HECTD4: variants seen among roughly 807,000 people sequenced by gnomAD.
HECTD4 encodes the protein HECT domain E3 ubiquitin protein ligase 4, also known as probable E3 ubiquitin-protein ligase HECTD4.
Under a neutral mutation model 471.5 loss-of-function variants are expected in HECTD4, and 114 were observed. The observed-to-expected ratio is 0.24, with a 90% confidence interval of 0.21 to 0.28. The LOEUF (loss-of-function observed/expected upper bound fraction) is 0.28, where lower values mean the gene tolerates loss of function less well. HECTD4 is among the 10% of genes least tolerant of loss of function. The pLI is 1.00. For missense variants in HECTD4, 3,866 were observed against 5,651.5 expected (o/e 0.68, Z 10.13); for synonymous variants, 2,012 against 2,256.0 (o/e 0.89, Z 3.07).
chr12:112,253,906 A>G (rs2033950724), intron 22 of HECTD4, 137 bp downstream of exon 22: 1 of 740,940 alleles, frequency 1.3e-6, no homozygotes, highest in Non-Finnish European at 2.2e-6. Flanking sequence ...GTGAGCTGAC[A>G]GGCCTGGTAA....
At chr12:112,262,665 G>GCCC (rs2034177137) in intron 17 of HECTD4, among the ~76,000 whole-genome samples, 3 of 151,640 alleles carry the variant, frequency 2.0e-5, no homozygotes. Context: ...ACCCAGGCTG[G>GCCC]AGTGCAGTGG....
chr12:112,178,237 C>T (rs573733581), intron 64 of HECTD4, among the ~76,000 whole-genome samples: 103 of 152,216 alleles, frequency 6.8e-4, no homozygotes, highest in Non-Finnish European at 1.3e-3. Context: ...CCACCACAGT[C>T]AGCTAATTTT....
rs369320314 is a variant in HECTD4 at position 112,179,164 on chromosome 12, G to A, written c.11211+10C>T. On this transcript the variant is annotated intron_variant, in intron 63 of 75. Transcript: ENST00000682272. The surrounding 1 kb of genome is among the most constrained non-coding windows in gnomAD (Gnocchi z 4.3). ...GGCCCGGCCTGGGTATGGTGGGGACGGGCAGCTACCTGGGTGAGCTGATCC... is the reference window on the plus strand; with the variant it reads ...GGCCCGGCCTGGGTATGGTGGGGACAGGCAGCTACCTGGGTGAGCTGATCC... 4.1e-5 allele frequency: 66 copies of A among 1,613,304 alleles called. No individual in the cohort carries two copies. The highest frequency in any genetic ancestry group is 5.3e-5 in the African/African-American group (4 of 74,920).
chr12:112,259,440 A>AG (rs2135598461), intron 18 of HECTD4, among the ~76,000 whole-genome samples, 175 bp from the exon 19 acceptor site: 1 of 151,682 alleles, frequency 6.6e-6, no homozygotes, highest in South Asian at 2.1e-4. Flanking sequence ...ACTGAGGGAG[A>AG]GGGGAAGAAC....
intron 1 of HECTD4, among the ~76,000 whole-genome samples, chr12:112,380,463 GA>G (rs1246238524): frequency 5.3e-5 from 8 of 151,990 alleles, no homozygotes; most frequent in Non-Finnish European, 1.0e-4. Flanking sequence ...AAAAAGAAAA[GA>G]AAGAAACAAA....
rs533579636 is a variant in HECTD4, at chr12:112,239,009, T to A, written c.5290+43A>T. 2.6e-6 allele frequency: 4 copies of A among 1,541,730 alleles called. No homozygotes were observed. Among genetic ancestry groups the A allele is most frequent in the Non-Finnish European group, 3.5e-6 (4 of 1,143,872 alleles). ...AAAAACCAATAAACTAACACACCAA[T>A]AGAAGAAATCAGTGAGCTCTAGAAA... On this transcript the variant is annotated intron_variant, in intron 34 of 75. Transcript: ENST00000682272. The surrounding 1 kb of genome is among the most constrained non-coding windows in gnomAD (Gnocchi z 4.9).
chr12:112,184,673 C>A lies in HECTD4; in HGVS notation c.10293G>T (p.Glu3431Asp). 6.2e-7 allele frequency: 1 copy of A among 1,613,864 alleles called. No homozygotes were observed. The highest frequency in any genetic ancestry group is 8.5e-7 in the Non-Finnish European group (1 of 1,179,850). ...CTTCTTCCTGCAGCGGGATGTAGATCTCGTCTTTGAAGACCCCGCCGTGGG... is the reference window on the plus strand; with the variant it reads ...CTTCTTCCTGCAGCGGGATGTAGATATCGTCTTTGAAGACCCCGCCGTGGG... Reference protein sequence around the residue: ...CNAHGGVFKDEIYIPLQEEDT... With the variant: ...CNAHGGVFKDDIYIPLQEEDT... The change falls in exon 61 of 76, where the codon GAG becomes GAT. Residue 3431 changes from glutamate to aspartate, a missense_variant. Glu to Asp is a conservative substitution (Grantham distance 45, BLOSUM62 2). Coordinates refer to ENST00000682272, the MANE Select transcript of HECTD4 (RefSeq NM_001388303.1). The surrounding 1 kb of genome is among the most constrained non-coding windows in gnomAD (Gnocchi z 9.1).
rs2033480055 is a variant in HECTD4 at position 112,235,542 on chromosome 12, G to A, written c.5687C>T (p.Ser1896Phe). The A allele has an allele frequency of 6.2e-7, 1 of 1,613,752 alleles. No individual in the cohort carries two copies. The stretch of plus-strand genomic sequence containing the variant: ...ATCTGCCAGCTTTGCTAAGAGCAGG[G>A]AGGCGATCTTGGAAGCTGGGTCGCT... ...DPSDPASKIA[S>F]LLLAKLADYV... Residue 1896 changes from serine to phenylalanine, a missense_variant, in exon 36 of 76, where the codon TCC becomes TTC. Ser to Phe is a radical substitution (Grantham distance 155). This residue lies in a region of HECTD4 where 617 missense variants were observed against 915.1 expected (regional missense o/e 0.67). Transcript: ENST00000682272. The surrounding 1 kb of genome is among the most constrained non-coding windows in gnomAD (Gnocchi z 5.0).
chr12:112,300,742 AGT>A, intron 7 of HECTD4, among the ~76,000 whole-genome samples: 1 of 146,760 alleles, frequency 6.8e-6, no homozygotes, highest in East Asian at 2.1e-4. Context: ...AGACTACAGG[AGT>A]GTGCCATCAT....
chr12:112,349,000 AG>A (rs1363586874), intron 1 of HECTD4, among the ~76,000 whole-genome samples: 4 of 152,152 alleles, frequency 2.6e-5, no homozygotes, highest in African/African-American at 9.7e-5. Flanking sequence ...AATGAGGAGG[AG>A]GGATATGATA....
At chr12:112,345,439 G>T (rs2036131691) in intron 1 of HECTD4, among the ~76,000 whole-genome samples, 2 of 151,940 alleles carry the variant, frequency 1.3e-5, no homozygotes, top group African/African-American at 4.8e-5. Context: ...AAACACAAAA[G>T]TAAATACCAG....
intron 62 of HECTD4, among the ~76,000 whole-genome samples, chr12:112,181,205 G>A (rs1391393544): frequency 6.6e-6 from 1 of 151,804 alleles, no homozygotes. Flanking sequence ...CCTCCATGAT[G>A]AACAAAATAT....
Position 112,208,641 on chromosome 12 carries a change from G to C in HECTD4, c.7868-11C>G. The C allele has an allele frequency of 6.5e-7, 1 of 1,542,978 alleles. No homozygotes were observed. The highest frequency in any genetic ancestry group is 8.7e-7 in the Non-Finnish European group (1 of 1,148,288). On this transcript the variant is annotated splice_polypyrimidine_tract_variant and intron_variant, in intron 50 of 75. Transcript: ENST00000682272. The stretch of plus-strand genomic sequence containing the variant: ...TGTCACTATCATATTCTGTAACAGA[G>C]CACAAGGACAGCGAATTCTAAACAA...
rs756482382 is a variant in HECTD4, at chr12:112,254,031, T to C, written c.3447+12A>G. ...TTCTTTTCTAGGAAGCGATTATGAC[T>C]GAATACCATACCTTCACCAAGTCTT... On this transcript the variant is annotated intron_variant, in intron 22 of 75. Transcript: ENST00000682272. 1.4e-5 allele frequency: 23 copies of C among 1,613,742 alleles called. No homozygotes were observed. The East Asian group carries it at 5.1e-4, about 36-fold the overall frequency.
At chr12:112,369,912 C>T (rs983617609) in intron 1 of HECTD4, among the ~76,000 whole-genome samples, 3 of 152,158 alleles carry the variant, frequency 2.0e-5, no homozygotes, top group Admixed American at 6.6e-5. Flanking sequence ...AAATACCCAT[C>T]GTGCTCAACT....
At position 112,193,803 on chromosome 12, in the gene HECTD4, C is replaced by T. The variant is rs574232111; in HGVS notation, c.8750-129G>A. On this transcript the variant is annotated intron_variant, in intron 56 of 75. Coordinates refer to ENST00000682272, the MANE Select transcript of HECTD4 (RefSeq NM_001388303.1). This position sits in a 1 kb window ranked among gnomAD's most constrained non-coding sequence, Gnocchi z 5.2. ...GGAGGGTTATCCTGGATATGATGTC[C>T]TGGATAACAGATGCCGGCAATCAGA... 1.0e-3 allele frequency: 791 copies of T among 781,690 alleles called. 1 individual carries two copies. The highest frequency in any genetic ancestry group is 1.4e-3 in the Non-Finnish European group (684 of 474,006). 48.4% of individuals were successfully genotyped at this position (781,690 alleles called of 1,614,324 possible). A position where few individuals can be genotyped will look rare whatever the true frequency, so the allele number is the denominator to read the frequency against.
Position 112,266,948 on chromosome 12 carries a change from C to T in HECTD4, c.2356G>A (p.Glu786Lys), listed in dbSNP as rs867577842. Residue 786 changes from glutamate (E) to lysine (K), a missense_variant, in exon 14 of 76, where the codon GAA (glutamate) becomes AAA (lysine). This residue lies in a region of HECTD4 where 525 missense variants were observed against 672.6 expected (regional missense o/e 0.78). Transcript: ENST00000682272. ...ACCAGTTTAAGTAAGTTATTGATTT[C>T]AGTTTCACCTGGGTACAAGATATTT... ...GLNILYPGET[E>K]INNLLKLVLT... 3 of 1,535,942 alleles carry T rather than the reference C, an allele frequency of 2.0e-6. No individual in the cohort carries two copies. Among genetic ancestry groups the T allele is most frequent in the Non-Finnish European group, 2.7e-6 (3 of 1,130,378 alleles).
chr12:112,258,190 GA>G (rs71920161), intron 20 of HECTD4, among the ~76,000 whole-genome samples: 32,732 of 128,082 alleles, frequency 0.26, 5,838 homozygotes, highest in East Asian at 0.85. Context: ...CTCCATCTCA[GA>G]AAAAAAAAAA....
At chr12:112,296,830 A>ATGGTGT (rs2035035320) in intron 7 of HECTD4, among the ~76,000 whole-genome samples, 2 of 146,686 alleles carry the variant, frequency 1.4e-5, no homozygotes, top group Non-Finnish European at 3.0e-5. Flanking sequence ...GTAGGTGCAG[A>ATGGTGT]AGGTGGAGGT....
Sources: gnomAD v4.1 joint callset for allele counts (sites outside exome capture counted in the v4.1 genomes callset) on GRCh38, gnomAD v4.1.1 for gene constraint, gnomAD v4.1.1 regional missense constraint, Gnocchi (gnomAD v3.1) non-coding constraint, MANE v1.5 for transcripts, NCBI Gene and HGNC (gene_info 2026-07-23, HGNC 2026-07-21) for gene names.